ST3GAL1: variants seen among roughly 807,000 people sequenced by gnomAD.
The protein encoded by ST3GAL1 is CMP-N-acetylneuraminate-beta-galactosamide-alpha-2,3-sialyltransferase 1.
Under a neutral mutation model 34.1 loss-of-function variants are expected in ST3GAL1, and 16 were observed. The observed-to-expected ratio is 0.47, with a 90% CI of 0.32 to 0.71. The LOEUF (loss-of-function observed/expected upper bound fraction) is 0.71, where lower values mean the gene tolerates loss of function less well. Among genes scored for constraint, ST3GAL1 ranks in the 30% least tolerant of loss-of-function variants. The probability of loss-of-function intolerance (pLI) is 0.04; values close to 1 mark genes in which losing one functional copy is unlikely to be tolerated. For synonymous variants in ST3GAL1, 191 were observed against 184.7 expected, an observed-to-expected ratio of 1.03 and a Z score of -0.28; for missense variants, 353 against 447.4, an observed-to-expected ratio of 0.79 and a Z score of 1.90.
chr8:133,535,440 T>G (rs1208659779), intron 2 of ST3GAL1, among the ~76,000 whole-genome samples: 1 of 152,216 alleles, frequency 6.6e-6, no homozygotes, highest in Non-Finnish European at 1.5e-5. Flanking sequence ...CGTGGCAACC[T>G]TGTGTTGGGC....
At chr8:133,546,144 C>A (rs1245175106) in intron 1 of ST3GAL1, among the ~76,000 whole-genome samples, 4 of 152,214 alleles carry the variant, frequency 2.6e-5, no homozygotes, top group Non-Finnish European at 5.9e-5. Flanking sequence ...CAACTCCTCT[C>A]CGCAGGGAGT....
intron 2 of ST3GAL1, among the ~76,000 whole-genome samples, chr8:133,536,245 C>T (rs1302091285): frequency 6.6e-6 from 1 of 152,090 alleles, no homozygotes; most frequent in African/African-American, 2.4e-5. Context: ...GGGCCCTGAA[C>T]GTGGTGAGCC....
intron 5 of ST3GAL1, among the ~76,000 whole-genome samples, chr8:133,472,746 CAG>C (rs1364762181): frequency 3.3e-5 from 5 of 151,766 alleles, no homozygotes; most frequent in Non-Finnish European, 7.4e-5. Context: ...GATCAGCCAC[CAG>C]AGGCTAAACT....
At chr8:133,517,529 T>C (rs1817683324) in intron 2 of ST3GAL1, among the ~76,000 whole-genome samples, 1 of 152,190 alleles carries the variant, frequency 6.6e-6, no homozygotes, top group Non-Finnish European at 1.5e-5. Context: ...TTTGTATTTT[T>C]AGTAAAGACA....
chr8:133,515,498 A>C (rs558279917), intron 2 of ST3GAL1: 59 of 152,296 alleles, frequency 3.9e-4, no homozygotes, highest in African/African-American at 1.3e-3. Flanking sequence ...CTCATTGTTT[A>C]AAAGAGCCCC....
chr8:133,567,924 CTTT>C (rs34290746), intron 1 of ST3GAL1, among the ~76,000 whole-genome samples: 183 of 146,416 alleles, frequency 1.2e-3, no homozygotes, highest in Middle Eastern at 7.1e-3. Flanking sequence ...GCCTTGCTCT[CTTT>C]TTTTTTTTTT....
chr8:133,514,093 TAA>T (rs959474311), intron 2 of ST3GAL1, among the ~76,000 whole-genome samples: 2 of 152,144 alleles, frequency 1.3e-5, no homozygotes, highest in Non-Finnish European at 2.9e-5. Context: ...ACAAATTTTT[TAA>T]AATAGTAGAT....
chr8:133,560,093 T>A (rs1819173116), intron 1 of ST3GAL1, among the ~76,000 whole-genome samples: 1 of 152,222 alleles, frequency 6.6e-6, no homozygotes, highest in South Asian at 2.1e-4. Flanking sequence ...TATATTTTCA[T>A]ATTTTCAAAT....
chr8:133,547,621 A>G (rs559212406), intron 1 of ST3GAL1, among the ~76,000 whole-genome samples: 15 of 152,304 alleles, frequency 9.8e-5, no homozygotes, highest in African/African-American at 3.6e-4. Context: ...CTCAGCCCCC[A>G]GATGTGTGGA....
chr8:133,496,415 C>T (rs1379372957), intron 3 of ST3GAL1, among the ~76,000 whole-genome samples: 1 of 152,174 alleles, frequency 6.6e-6, no homozygotes, highest in East Asian at 1.9e-4. Flanking sequence ...CTTCCTAGGA[C>T]ATCTCTTTGC....
At chr8:133,486,183 A>T (rs2130966144) in intron 3 of ST3GAL1, among the ~76,000 whole-genome samples, 1 of 152,272 alleles carries the variant, frequency 6.6e-6, no homozygotes, top group African/African-American at 2.4e-5. Context: ...GCAGAATCCC[A>T]ACTTCACACC....
In ST3GAL1 at chr8:133,459,663, A is replaced by T; in HGVS notation, c.*101T>A. On this transcript the variant is annotated 3_prime_UTR_variant, in exon 10 of 10. Coordinates refer to ENST00000522652, the MANE Select transcript of ST3GAL1 (RefSeq NM_173344.3). This position sits in a 1 kb window ranked among gnomAD's most constrained non-coding sequence, Gnocchi z 4.7. ...TGAGCGGTGCCCAGGCACACACCTGAGGCTGCCCCTCCAAGCTCCGGGATG... is the reference window on the plus strand; with the variant it reads ...TGAGCGGTGCCCAGGCACACACCTGTGGCTGCCCCTCCAAGCTCCGGGATG... The T allele has an allele frequency of 1.4e-6, 2 of 1,450,102 alleles. No individual in the cohort carries two copies. Among genetic ancestry groups the T allele is most frequent in the Admixed American group, 4.2e-5 (2 of 47,484 alleles). 89.8% of individuals were successfully genotyped at this position (1,450,102 alleles called of 1,614,324 possible).
At chr8:133,479,079 A>G (rs1816285375) in intron 3 of ST3GAL1, among the ~76,000 whole-genome samples, 1 of 152,150 alleles carries the variant, frequency 6.6e-6, no homozygotes, top group Admixed American at 6.5e-5. Flanking sequence ...CATCCCTTCA[A>G]TGGGAAAAAC....
In ST3GAL1 at chr8:133,472,480, C is replaced by G. The variant is rs566195647; in HGVS notation, c.306+3239G>C. 5.3e-4 allele frequency among the ~76,000 whole-genome samples: 80 copies of G among 152,346 alleles called. 3 individuals carry two copies. The South Asian group carries it at 0.016, about 31-fold the overall frequency. On this transcript the variant is annotated intron_variant, in intron 5 of 9. Coordinates refer to ENST00000522652, the MANE Select transcript of ST3GAL1 (RefSeq NM_173344.3). Reference sequence around the variant, plus strand: ...GATTTGGGTGAAAGCCAAACCATATCATGACCCAAGTCCAGTTCCATTCAT... The same window carrying G: ...GATTTGGGTGAAAGCCAAACCATATGATGACCCAAGTCCAGTTCCATTCAT...
At chr8:133,536,431 A>C (rs776096814) in intron 2 of ST3GAL1, among the ~76,000 whole-genome samples, 2 of 152,244 alleles carry the variant, frequency 1.3e-5, no homozygotes, top group Non-Finnish European at 1.5e-5. Flanking sequence ...ATCAATCTGT[A>C]GGTTGATTTC....
intron 3 of ST3GAL1, among the ~76,000 whole-genome samples, chr8:133,481,776 A>C (rs959635624): frequency 1.5e-5 from 2 of 135,166 alleles, no homozygotes; most frequent in Non-Finnish European, 3.3e-5. Context: ...GATTATAGGC[A>C]TGAGCCACCA....
At chr8:133,494,169 C>T (rs188588038) in intron 3 of ST3GAL1, among the ~76,000 whole-genome samples, 2 of 152,198 alleles carry the variant, frequency 1.3e-5, no homozygotes, top group African/African-American at 2.4e-5. Flanking sequence ...GATTCAATTT[C>T]TATTTACAAG....
At chr8:133,481,814 C>T (rs546648715) in intron 3 of ST3GAL1, among the ~76,000 whole-genome samples, 1 of 151,966 alleles carries the variant, frequency 6.6e-6, no homozygotes, top group African/African-American at 2.4e-5. Context: ...TTTTCATCTG[C>T]TGTTTTCTGC....
chr8:133,485,522 C>A (rs372803064), intron 3 of ST3GAL1, among the ~76,000 whole-genome samples: 1 of 152,324 alleles, frequency 6.6e-6, no homozygotes, highest in East Asian at 1.9e-4. Flanking sequence ...GAATCAAATC[C>A]TCACGCTTCA....
Sources: allele counts gnomAD v4.1 joint callset (sites outside exome capture counted in the v4.1 genomes callset), GRCh38; gene constraint gnomAD v4.1.1; non-coding constraint Gnocchi (gnomAD v3.1); transcripts MANE v1.5; gene names NCBI Gene and HGNC (gene_info 2026-07-23, HGNC 2026-07-21).